The following TIAM1 variants were observed in gnomAD, a reference collection of about 807,000 sequenced individuals.
TIAM1 encodes the protein TIAM Rac1 associated GEF 1, also known as rho guanine nucleotide exchange factor TIAM1.
In TIAM1, 65 loss-of-function variants were observed where a neutral mutation model predicts 163.5. The observed-to-expected ratio is 0.40, with a 90% CI of 0.33 to 0.49. The LOEUF is 0.49. Among genes scored for constraint, TIAM1 ranks in the 20% least tolerant of loss-of-function variants. The pLI is 0.77. For missense variants in TIAM1, 1,789 were observed against 2,044.7 expected, an observed-to-expected ratio of 0.87 and a Z score of 2.41; for synonymous variants, 833 against 810.1, an observed-to-expected ratio of 1.03 and a Z score of -0.48.
chr21:31,120,748 T>C lies in TIAM1; in HGVS notation c.4396A>G (p.Ser1466Gly), dbSNP rs764714147. The C allele has an allele frequency of 1.9e-6, 3 of 1,614,098 alleles. No homozygotes were observed. The highest frequency in any genetic ancestry group is 2.5e-6 in the Non-Finnish European group (3 of 1,180,026). The change falls in exon 28 of 28, where the codon AGC becomes GGC. Residue 1466 changes from serine (S) to glycine (G), a missense_variant. Ser to Gly is a moderately conservative substitution (Grantham distance 56). This residue lies in a region of TIAM1 where 415 missense variants were observed against 439.2 expected (regional missense o/e 0.94). Coordinates refer to ENST00000541036, the MANE Select transcript of TIAM1 (RefSeq NM_001353694.2). This position sits in a 1 kb window ranked among gnomAD's most constrained non-coding sequence, Gnocchi z 4.2. ...GGCTGCTGGGACTCTTTCTCCGGGC[T>C]GCTTGCGGAGACGGCATCAGAATCA... Reference protein sequence around the residue: ...TIDSDAVSASSPEKESQQPPG... With the variant: ...TIDSDAVSASGPEKESQQPPG...
intron 20 of TIAM1, among the ~76,000 whole-genome samples, chr21:31,144,376 G>A (rs1289491435): frequency 6.6e-6 from 1 of 152,224 alleles, no homozygotes; most frequent in African/African-American, 2.4e-5. Context: ...CCCATCGACT[G>A]AATTCCATAT....
At chr21:31,215,104 A>T (rs1313649249) in intron 9 of TIAM1, among the ~76,000 whole-genome samples, 3 of 152,104 alleles carry the variant, frequency 2.0e-5, no homozygotes, top group Non-Finnish European at 4.4e-5. Flanking sequence ...CATTCTCTTG[A>T]ATTCATTTAA....
At chr21:31,173,532 AAGAG>A (rs57981769) in intron 15 of TIAM1, among the ~76,000 whole-genome samples, 88 of 148,078 alleles carry the variant, frequency 5.9e-4, no homozygotes, top group South Asian at 2.3e-3. Context: ...GAGCGAGAGA[AAGAG>A]AGAGAGAGAG....
intron 2 of TIAM1, among the ~76,000 whole-genome samples, chr21:31,444,713 C>T (rs1029229): frequency 0.72 from 109,893 of 152,114 alleles, 40,450 homozygotes; most frequent in African/African-American, 0.86. Flanking sequence ...AAGAAGAGAA[C>T]GCAGGCCAGG....
intron 3 of TIAM1, among the ~76,000 whole-genome samples, chr21:31,276,209 A>G (rs1054868419): frequency 1.3e-5 from 2 of 152,280 alleles, no homozygotes; most frequent in East Asian, 3.9e-4. Context: ...GTTTTCGCTA[A>G]ATCGTTACAA....
rs183052290 is a variant in TIAM1 at position 31,176,042 on chromosome 21, T to G, written c.2887+6379A>C. ...CCAGTAGTTCTCAACTGGGTAAGAT[T>G]TGGCTGCCCAGTGGCCTTTTGGCAA... On this transcript the variant is annotated intron_variant, in intron 15 of 27. Coordinates refer to ENST00000541036, the MANE Select transcript of TIAM1 (RefSeq NM_001353694.2). Among the ~76,000 whole-genome samples, 31 of 151,862 alleles carry G rather than the reference T, an allele frequency of 2.0e-4. 1 individual carries two copies. The highest frequency in any genetic ancestry group is 1.8e-3 in the Admixed American group (28 of 15,290).
chr21:31,210,615 GAGAAAGAA>G lies in TIAM1; in HGVS notation c.2218-408_2218-401del, dbSNP rs776429877. ...GAAAGAGAGAAAGAAGGAAGGAAGG[GAGAAAGAA>G]AGAAAGAAAGAAAGAAAGAAAGAAA... On this transcript the variant is annotated intron_variant, in intron 10 of 27. Transcript: ENST00000541036. Among the ~76,000 whole-genome samples, 150 of 27,386 alleles carry G rather than the reference GAGAAAGAA, an allele frequency of 5.5e-3. 3 individuals are homozygous for G. Among genetic ancestry groups the G allele is most frequent in the African/African-American group, 0.011 (65 of 6,048 alleles). 18.0% of individuals were successfully genotyped at this position (27,386 alleles called of 152,430 possible).
At position 31,210,083 on chromosome 21, in the gene TIAM1, C is replaced by G. The variant is rs567146186; in HGVS notation, c.2350G>C (p.Gly784Arg). 63 of 1,614,146 alleles carry G rather than the reference C, an allele frequency of 3.9e-5. No homozygotes were observed. The Middle Eastern group carries it at 5.0e-4, about 13-fold the overall frequency. ...TCCAGGGTGTCCCGTGCAGTGTCGCCTGGCCGGACGACCGTCAGGGCAGGC... is the reference window on the plus strand; with the variant it reads ...TCCAGGGTGTCCCGTGCAGTGTCGCGTGGCCGGACGACCGTCAGGGCAGGC... ...NQPALTVVRP[G>R]DTARDTLELI... Residue 784 changes from glycine to arginine, a missense_variant, in exon 11 of 28, where the codon GGC becomes CGC. Gly to Arg is a moderately radical substitution (Grantham distance 125). This residue lies in a region of TIAM1 where 456 missense variants were observed against 586.6 expected (regional missense o/e 0.78). Transcript: ENST00000541036.
rs145163936 is a variant in TIAM1 at position 31,350,391 on chromosome 21, C to T, written c.-368-10969G>A. 2.3e-3 allele frequency among the ~76,000 whole-genome samples: 357 copies of T among 152,190 alleles called. 1 individual carries two copies. Among genetic ancestry groups the T allele is most frequent in the African/African-American group, 8.3e-3 (344 of 41,498 alleles). On this transcript the variant is annotated intron_variant, in intron 2 of 28. Transcript: ENST00000286827. ...TACTGGGGCAGGGAGTGGAGAATGA[C>T]GCTGGCTAAGAAGGTGATATAGTTT...
chr21:31,365,387 C>CTTTTTTT (rs772457613), intron 2 of TIAM1, among the ~76,000 whole-genome samples: 7 of 128,800 alleles, frequency 5.4e-5, no homozygotes, highest in South Asian at 2.5e-4. Context: ...TTATTTCTTT[C>CTTTTTTT]TTTTTTTTTT....
At chr21:31,489,075 A>C (rs1029377187) in intron 1 of TIAM1, among the ~76,000 whole-genome samples, 2 of 151,754 alleles carry the variant, frequency 1.3e-5, no homozygotes, top group African/African-American at 4.8e-5. Flanking sequence ...AAACGGTAAC[A>C]ATAATAACTG....
At chr21:31,132,497 C>A (rs185775080) in intron 23 of TIAM1, among the ~76,000 whole-genome samples, 1 of 152,156 alleles carries the variant, frequency 6.6e-6, no homozygotes, top group Non-Finnish European at 1.5e-5. Flanking sequence ...CACTATGAAG[C>A]CTTCAGAAAT....
chr21:31,187,170 A>G (rs1348096123), intron 13 of TIAM1, 83 bp from the exon 14 acceptor site: 10 of 1,242,828 alleles, frequency 8.0e-6, no homozygotes, highest in Non-Finnish European at 1.1e-5. Context: ...GCTGTGAACT[A>G]GGTATGTTTC....
intron 2 of TIAM1, among the ~76,000 whole-genome samples, chr21:31,393,155 C>G (rs1210579140): frequency 1.3e-5 from 2 of 152,052 alleles, no homozygotes; most frequent in Non-Finnish European, 1.5e-5. Flanking sequence ...AGGGTTTCAC[C>G]ATGCTGGCCA....
intron 1 of TIAM1, among the ~76,000 whole-genome samples, chr21:31,550,111 G>A (rs1419218131): frequency 1.3e-5 from 2 of 149,954 alleles, no homozygotes; most frequent in Middle Eastern, 3.4e-3. Context: ...GCGACAGAGA[G>A]AGATTCCGTC....
In TIAM1 at chr21:31,213,198, A is replaced by T. The variant is rs1348872874; in HGVS notation, c.2217+200T>A. 9.9e-6 allele frequency: 5 copies of T among 505,144 alleles called. No homozygotes were observed. In the East Asian group the frequency reaches 1.8e-4, roughly 18 times the overall value. The allele number at this position is 505,144 out of a possible 1,614,324, so 31.3% of individuals were successfully genotyped here. A position where few individuals can be genotyped will look rare whatever the true frequency, so the allele number is the denominator to read the frequency against. ...GTATGGGAAATGTTATGTCAGCAGG[A>T]GAATGTTCCCTCTACCACTCAGTTT... On this transcript the variant is annotated intron_variant, in intron 10 of 27. Coordinates refer to ENST00000541036, the MANE Select transcript of TIAM1 (RefSeq NM_001353694.2).
At chr21:31,548,196 G>A (rs2048562418) in intron 1 of TIAM1, among the ~76,000 whole-genome samples, 1 of 142,514 alleles carries the variant, frequency 7.0e-6, no homozygotes, top group Non-Finnish European at 1.5e-5. Context: ...CTGGAGTACA[G>A]TGGCGAGATC....
chr21:31,472,013 T>C (rs2045760243), intron 1 of TIAM1, among the ~76,000 whole-genome samples: 1 of 152,094 alleles, frequency 6.6e-6, no homozygotes, highest in African/African-American at 2.4e-5. Flanking sequence ...CTTTTCCAGC[T>C]GTGTCAGTGT....
chr21:31,138,951 C>G (rs1242465982), intron 22 of TIAM1, among the ~76,000 whole-genome samples: 1 of 152,198 alleles, frequency 6.6e-6, no homozygotes, highest in Non-Finnish European at 1.5e-5. Context: ...GATTTTCCTC[C>G]TCTTCAGTCC....
Sources: allele counts gnomAD v4.1 joint callset (sites outside exome capture counted in the v4.1 genomes callset), GRCh38; gene constraint gnomAD v4.1.1; regional missense constraint gnomAD v4.1.1; non-coding constraint Gnocchi (gnomAD v3.1); transcripts MANE v1.5; gene names NCBI Gene and HGNC (gene_info 2026-07-23, HGNC 2026-07-21).